Variants in ILRUN observed in about 807,000 individuals in gnomAD.
The protein encoded by ILRUN is protein ILRUN.
Under a neutral mutation model 33.8 loss-of-function variants are expected in ILRUN, and 3 were observed. That is an observed-to-expected ratio of 0.09 (90% CI 0.04 to 0.23). The LOEUF is 0.23. Among genes scored for constraint, ILRUN ranks in the 10% least tolerant of loss-of-function variants. The probability of loss-of-function intolerance (pLI) is 1.00; values close to 1 mark genes in which losing one functional copy is unlikely to be tolerated. For synonymous variants in ILRUN, 124 were observed against 138.9 expected (o/e 0.89, Z 0.75); for missense variants, 210 against 375.1 (o/e 0.56, Z 3.64).
chr6:34,660,008 A>C (rs1370260677), intron 1 of ILRUN, among the ~76,000 whole-genome samples: 2 of 152,066 alleles, frequency 1.3e-5, no homozygotes, highest in Middle Eastern at 3.2e-3. Context: ...GAAAACAGTT[A>C]AGAAAACCAG....
At chr6:34,682,021 C>CTTTTTTTTTTTTTTTTTTTTTTT (rs1377020252) in intron 1 of ILRUN, among the ~76,000 whole-genome samples, 2 of 130,018 alleles carry the variant, frequency 1.5e-5, no homozygotes, top group African/African-American at 5.9e-5. Context: ...CCCACTAATT[C>CTTTTTTTTTTTTTTTTTTTTTTT]TTATATTTTT....
intron 1 of ILRUN, among the ~76,000 whole-genome samples, chr6:34,689,543 T>C (rs549500255): frequency 6.6e-6 from 1 of 151,880 alleles, no homozygotes; most frequent in South Asian, 2.1e-4. Context: ...TTGACACACA[T>C]TTATTTAAGG....
chr6:34,654,092 C>A (rs1410252623), intron 2 of ILRUN, among the ~76,000 whole-genome samples: 1 of 151,214 alleles, frequency 6.6e-6, no homozygotes, highest in East Asian at 1.9e-4. Flanking sequence ...ATATTTCCTA[C>A]CCTATTTTTC....
chr6:34,600,379 A>G (rs1324793434), intron 4 of ILRUN, among the ~76,000 whole-genome samples: 2 of 152,190 alleles, frequency 1.3e-5, no homozygotes. Context: ...TGCCTAAAAT[A>G]TTCTTTCTCC....
chr6:34,682,251 GT>G (rs66948142), intron 1 of ILRUN, among the ~76,000 whole-genome samples: 62 of 51,050 alleles, frequency 1.2e-3, no homozygotes, highest in Non-Finnish European at 1.8e-3. Context: ...TGCAACCTCT[GT>G]TTTTTTTTTT....
intron 3 of ILRUN, among the ~76,000 whole-genome samples, chr6:34,608,603 C>CA (rs1327672271): frequency 6.6e-6 from 1 of 152,042 alleles, no homozygotes; most frequent in Admixed American, 6.6e-5. Flanking sequence ...CATTAAAAAA[C>CA]AAACTACAAT....
chr6:34,625,425 A>G (rs1384124106), intron 3 of ILRUN, among the ~76,000 whole-genome samples: 2 of 152,154 alleles, frequency 1.3e-5, no homozygotes, highest in Non-Finnish European at 2.9e-5. Flanking sequence ...GGACATCTCA[A>G]TCCTACAAAA....
chr6:34,606,407 T>C (rs1195064628), intron 4 of ILRUN, 148 bp downstream of exon 4: 3 of 617,470 alleles, frequency 4.9e-6, no homozygotes, highest in Non-Finnish European at 8.4e-6. Flanking sequence ...GGGTAAGCTT[T>C]TGCATTGTTG....
chr6:34,682,872 G>C (rs1010193441), intron 1 of ILRUN, among the ~76,000 whole-genome samples: 1 of 151,566 alleles, frequency 6.6e-6, no homozygotes, highest in Non-Finnish European at 1.5e-5. Context: ...CTCAAACCTT[G>C]TTATGACATT....
chr6:34,679,921 C>A (rs561670726), intron 1 of ILRUN, among the ~76,000 whole-genome samples: 9 of 152,338 alleles, frequency 5.9e-5, no homozygotes, highest in Admixed American at 5.2e-4. Flanking sequence ...CAAAAAGAGG[C>A]AAGAAGGGAT....
In ILRUN at chr6:34,662,903, G is replaced by A. The variant is rs1044875187; in HGVS notation, c.159-8124C>T. On this transcript the variant is annotated intron_variant, in intron 1 of 4. Transcript: ENST00000374023. ...AGCCTGGGCAACATGGTGAGACCTT[G>A]TCTCTATAAAATTTAAAAGAAAATT... Among the ~76,000 whole-genome samples, 9 of 152,286 alleles carry A rather than the reference G, an allele frequency of 5.9e-5. No homozygotes were observed. The South Asian group carries it at 1.9e-3, about 32-fold the overall frequency.
intron 4 of ILRUN, among the ~76,000 whole-genome samples, chr6:34,603,063 C>T (rs1312205076): frequency 1.3e-5 from 2 of 152,214 alleles, no homozygotes; most frequent in African/African-American, 4.8e-5. Flanking sequence ...AGGAAACTAC[C>T]TGCCTACTAA....
chr6:34,689,697 T>C (rs1218515922), intron 1 of ILRUN, among the ~76,000 whole-genome samples: 1 of 151,954 alleles, frequency 6.6e-6, no homozygotes, highest in African/African-American at 2.4e-5. Flanking sequence ...TAATACGTGA[T>C]CAGGTAAGAG....
intron 4 of ILRUN, among the ~76,000 whole-genome samples, chr6:34,602,952 G>A (rs369287446): frequency 1.3e-5 from 2 of 152,184 alleles, no homozygotes; most frequent in Admixed American, 6.5e-5. Context: ...GTGCCATTCT[G>A]TTGACATATC....
chr6:34,594,841 T>G (rs971497744), intron 4 of ILRUN, among the ~76,000 whole-genome samples: 8 of 152,220 alleles, frequency 5.3e-5, no homozygotes, highest in African/African-American at 1.9e-4. Context: ...TAATAACTAC[T>G]GCAAGCAAGC....
intron 1 of ILRUN, among the ~76,000 whole-genome samples, chr6:34,686,110 T>C (rs78147341): frequency 0.013 from 2,027 of 152,202 alleles, 26 homozygotes; most frequent in Non-Finnish European, 0.022. Context: ...TTGTGAATCA[T>C]AGGACATTGT....
At chr6:34,656,266 T>C (rs1289299050) in intron 1 of ILRUN, among the ~76,000 whole-genome samples, 2 of 150,808 alleles carry the variant, frequency 1.3e-5, no homozygotes, top group Non-Finnish European at 2.9e-5. Context: ...GAGCCATTTG[T>C]AGTTTCTTTT....
chr6:34,694,148 T>C (rs941163118), intron 1 of ILRUN, among the ~76,000 whole-genome samples: 2 of 152,154 alleles, frequency 1.3e-5, no homozygotes, highest in Non-Finnish European at 2.9e-5. Flanking sequence ...ACACTGGGCC[T>C]CACCTATTCA....
At chr6:34,599,614 C>T (rs1182876662) in intron 4 of ILRUN, among the ~76,000 whole-genome samples, 1 of 152,112 alleles carries the variant, frequency 6.6e-6, no homozygotes, top group African/African-American at 2.4e-5. Flanking sequence ...GCTAAGAAAC[C>T]CTGACCTCCT....
Sources: gnomAD v4.1 joint callset for allele counts (sites outside exome capture counted in the v4.1 genomes callset) on GRCh38, gnomAD v4.1.1 for gene constraint, MANE v1.5 for transcripts, NCBI Gene and HGNC (gene_info 2026-07-23, HGNC 2026-07-21) for gene names.